MECOM: variants seen among roughly 807,000 people sequenced by gnomAD.
MECOM encodes the protein MDS1 and EVI1 complex locus.
Under a neutral mutation model 116.3 loss-of-function variants are expected in MECOM, and 13 were observed. The ratio of observed to expected loss-of-function variants is 0.11; its 90% CI spans 0.07 to 0.18. The LOEUF is 0.18. MECOM is among the 10% of genes least tolerant of loss of function. The probability of loss-of-function intolerance (pLI) is 1.00; values close to 1 mark genes in which losing one functional copy is unlikely to be tolerated. For missense variants in MECOM, 1,299 were observed against 1,509.0 expected, an observed-to-expected ratio of 0.86 and a Z score of 2.31; for synonymous variants, 528 against 535.2, an observed-to-expected ratio of 0.99 and a Z score of 0.19.
chr3:169,408,316 G>A (rs1737014466), intron 1 of MECOM, among the ~76,000 whole-genome samples: 1 of 152,152 alleles, frequency 6.6e-6, no homozygotes, highest in South Asian at 2.1e-4. Context: ...TGTATAATCA[G>A]TACAGCAAGC....
chr3:169,556,193 T>G (rs78362693), intron 1 of MECOM, among the ~76,000 whole-genome samples: 12,545 of 152,250 alleles, frequency 0.082, 596 homozygotes, highest in Middle Eastern at 0.16. Context: ...AAGCTACTTA[T>G]TCCTACAACA....
intron 2 of MECOM, among the ~76,000 whole-genome samples, chr3:169,202,633 TTAA>T: frequency 6.6e-6 from 1 of 151,982 alleles, no homozygotes; most frequent in Non-Finnish European, 1.5e-5. Flanking sequence ...CTTTACATTT[TTAA>T]TATAGTTATT....
At chr3:169,260,519 T>C (rs989228659) in intron 2 of MECOM, among the ~76,000 whole-genome samples, 1 of 152,102 alleles carries the variant, frequency 6.6e-6, no homozygotes, top group Non-Finnish European at 1.5e-5. Flanking sequence ...TGTTCTTGGT[T>C]AAATCTGCGA....
At chr3:169,208,140 C>G (rs1212820862) in intron 2 of MECOM, among the ~76,000 whole-genome samples, 1 of 151,718 alleles carries the variant, frequency 6.6e-6, no homozygotes, top group Non-Finnish European at 1.5e-5. Context: ...ATGTCTAAAT[C>G]TATTCCAAAG....
At chr3:169,435,859 A>T (rs1742544805) in intron 1 of MECOM, among the ~76,000 whole-genome samples, 1 of 152,222 alleles carries the variant, frequency 6.6e-6, no homozygotes, top group Admixed American at 6.5e-5. Flanking sequence ...AAGTGCCATT[A>T]TAAACATTAA....
At chr3:169,473,381 G>A (rs1259462270) in intron 1 of MECOM, among the ~76,000 whole-genome samples, 1 of 152,164 alleles carries the variant, frequency 6.6e-6, no homozygotes, top group Non-Finnish European at 1.5e-5. Context: ...CCTAAATATT[G>A]TGAAACTTGA....
chr3:169,177,897 C>T (rs766331982), intron 2 of MECOM, among the ~76,000 whole-genome samples: 8 of 148,036 alleles, frequency 5.4e-5, no homozygotes, highest in Admixed American at 2.7e-4. Context: ...CCAGCCTGGG[C>T]GACAAGAGCT....
At chr3:169,275,938 G>A (rs1195915269) in intron 2 of MECOM, among the ~76,000 whole-genome samples, 1 of 152,140 alleles carries the variant, frequency 6.6e-6, no homozygotes, top group African/African-American at 2.4e-5. Context: ...GCAGATGATA[G>A]CCTTGTTAAA....
chr3:169,501,805 G>T (rs1754573653), intron 1 of MECOM, among the ~76,000 whole-genome samples: 1 of 151,980 alleles, frequency 6.6e-6, no homozygotes. Flanking sequence ...AGAAATGTTG[G>T]CTTCCAAAGC....
intron 2 of MECOM, among the ~76,000 whole-genome samples, chr3:169,282,765 T>G (rs1421599371): frequency 2.0e-5 from 3 of 151,992 alleles, no homozygotes; most frequent in African/African-American, 7.2e-5. Context: ...CTCCAATATG[T>G]TAATATATTT....
At chr3:169,087,577 G>C (rs1718227739) in intron 16 of MECOM, among the ~76,000 whole-genome samples, 1 of 152,066 alleles carries the variant, frequency 6.6e-6, no homozygotes. Flanking sequence ...AGTCTTAGCA[G>C]CTGAGTGAGA....
intron 2 of MECOM, among the ~76,000 whole-genome samples, chr3:169,290,794 G>T (rs1213024480): frequency 6.6e-6 from 1 of 152,112 alleles, no homozygotes; most frequent in Non-Finnish European, 1.5e-5. Context: ...TCTCGAGTTG[G>T]GTTGGGTAAA....
intron 2 of MECOM, among the ~76,000 whole-genome samples, chr3:169,270,396 T>C (rs1003758695): frequency 1.3e-5 from 2 of 152,114 alleles, no homozygotes; most frequent in Non-Finnish European, 2.9e-5. Context: ...TCTATCTATC[T>C]ATCTATATAT....
chr3:169,098,704 T>C (rs1722540151), intron 12 of MECOM, among the ~76,000 whole-genome samples: 1 of 152,162 alleles, frequency 6.6e-6, no homozygotes, highest in Non-Finnish European at 1.5e-5. Context: ...TAAACTTTTC[T>C]TTTTTTGAAG....
intron 2 of MECOM, among the ~76,000 whole-genome samples, chr3:169,173,624 T>C (rs1383648275): frequency 6.6e-6 from 1 of 152,198 alleles, no homozygotes; most frequent in African/African-American, 2.4e-5. Context: ...TCCAAAATAT[T>C]TCTCGTATCA....
chr3:169,441,728 C>CCTTTTTTTTTTTTTTTTTTTTTTTT (rs1743716651), intron 1 of MECOM, among the ~76,000 whole-genome samples: 1 of 123,458 alleles, frequency 8.1e-6, no homozygotes, highest in East Asian at 2.5e-4. Context: ...TTCTTCTCTT[C>CCTTTTTTTTTTTTTTTTTTTTTTTT]TTTTTTTTTT....
chr3:169,127,896 G>A lies in MECOM; in HGVS notation c.778C>T (p.His260Tyr). 1.9e-6 allele frequency: 3 copies of A among 1,614,034 alleles called. No individual in the cohort carries two copies. The highest frequency in any genetic ancestry group is 1.7e-6 in the Non-Finnish European group (2 of 1,179,928). Residue 260 changes from histidine to tyrosine, a missense_variant, in exon 5 of 17, where the codon CAC (histidine) becomes TAC (tyrosine). Physicochemically the swap from His to Tyr is moderately conservative, Grantham distance 83. This residue lies in a region of MECOM where 374 missense variants were observed against 433.4 expected (regional missense o/e 0.86). Coordinates refer to ENST00000651503, the MANE Select transcript of MECOM (RefSeq NM_004991.4). ...LESENDLQEI[H>Y]TIQECKECDQ... is the part of the protein sequence containing the mutation. ...CATTCCTTACACTCCTGGATCGTGT[G>A]TATCTCTTGGAGATCATTCTCGCTT... is the stretch of plus-strand genomic sequence containing the variant.
intron 2 of MECOM, among the ~76,000 whole-genome samples, chr3:169,360,459 C>G (rs929654784): frequency 5.3e-5 from 8 of 151,382 alleles, no homozygotes; most frequent in Non-Finnish European, 8.9e-5. Flanking sequence ...ATCTATGAAT[C>G]CTCAAATTTC....
chr3:169,603,342 A>G (rs1319953226), intron 1 of MECOM, among the ~76,000 whole-genome samples: 1 of 152,238 alleles, frequency 6.6e-6, no homozygotes, highest in Non-Finnish European at 1.5e-5. Context: ...TGTACAATGT[A>G]TGTTTAAGCT....
Sources: gnomAD v4.1 joint callset for allele counts (sites outside exome capture counted in the v4.1 genomes callset) on GRCh38, gnomAD v4.1.1 for gene constraint, gnomAD v4.1.1 regional missense constraint, MANE v1.5 for transcripts, NCBI Gene and HGNC (gene_info 2026-07-23, HGNC 2026-07-21) for gene names.